Variants in PRELID2 observed in about 807,000 individuals in gnomAD.
PRELID2 encodes the protein PRELI domain-containing protein 2.
In PRELID2, 25 loss-of-function variants were observed where a neutral mutation model predicts 28.4. That is an observed-to-expected ratio of 0.88 (90% CI 0.64 to 1.23). The LOEUF is 1.23. Ranked by LOEUF, PRELID2 falls within the 50% of genes most tolerant of loss-of-function variation. The probability of loss-of-function intolerance (pLI) is 0.00; values close to 1 mark genes in which losing one functional copy is unlikely to be tolerated. For synonymous variants in PRELID2, 76 were observed against 71.6 expected, an observed-to-expected ratio of 1.06 and a Z score of -0.31; for missense variants, 201 against 214.4, an observed-to-expected ratio of 0.94 and a Z score of 0.39.
At chr5:145,827,050 G>A (rs770332892) in intron 1 of PRELID2, among the ~76,000 whole-genome samples, 1 of 152,168 alleles carries the variant, frequency 6.6e-6, no homozygotes, top group Non-Finnish European at 1.5e-5. Context: ...GTACAAGGAA[G>A]CAGGTGACTG....
At chr5:145,682,178 G>A (rs942327938) in intron 1 of PRELID2, among the ~76,000 whole-genome samples, 8 of 152,084 alleles carry the variant, frequency 5.3e-5, no homozygotes, top group African/African-American at 1.9e-4. Context: ...AGTGGGGAGA[G>A]GGAGGAGGAA....
chr5:145,378,578 G>T, the PRELID2 span, among the ~76,000 whole-genome samples: 5 of 152,036 alleles, frequency 3.3e-5, no homozygotes, highest in African/African-American at 2.4e-5. Context: ...GGTCTGTTCT[G>T]CCACTAATAC....
chr5:145,825,225 CAAAAAAAAAAAAAAAAAAA>C (rs56818178), intron 1 of PRELID2, among the ~76,000 whole-genome samples: 4,871 of 60,746 alleles, frequency 0.08, 388 homozygotes, highest in African/African-American at 0.23. Context: ...GACTCTGTCT[CAAAAAAAAAAAAAAAAAAA>C]AAAAAAAAAA....
chr5:145,656,062 A>G (rs1754387448), intron 1 of PRELID2, among the ~76,000 whole-genome samples: 2 of 152,174 alleles, frequency 1.3e-5, no homozygotes, highest in Admixed American at 6.5e-5. Context: ...TGAGAAAAAA[A>G]CAAACAACCC....
intron 1 of PRELID2, among the ~76,000 whole-genome samples, chr5:145,595,616 A>G (rs769229098): frequency 8.5e-5 from 13 of 152,148 alleles, no homozygotes; most frequent in South Asian, 2.1e-4. Flanking sequence ...TCTATTAGAA[A>G]AATAAAACTT....
At chr5:145,706,491 C>T (rs555343236) in intron 1 of PRELID2, among the ~76,000 whole-genome samples, 20 of 152,130 alleles carry the variant, frequency 1.3e-4, no homozygotes, top group African/African-American at 2.4e-4. Flanking sequence ...ACTCTAACCA[C>T]GGCCTGAATA....
chr5:145,709,195 T>C (rs532864742), intron 1 of PRELID2, among the ~76,000 whole-genome samples: 64 of 152,218 alleles, frequency 4.2e-4, no homozygotes, highest in Non-Finnish European at 7.6e-4. Flanking sequence ...ATCTCAGTAG[T>C]GCTCAGCTTC....
intron 1 of PRELID2, among the ~76,000 whole-genome samples, chr5:145,686,143 T>G (rs745629254): frequency 3.9e-5 from 6 of 152,080 alleles, no homozygotes; most frequent in Non-Finnish European, 8.8e-5. Context: ...TCACTTTACC[T>G]CCCTCCTAAG....
chr5:145,747,943 T>C (rs1757034348), intron 1 of PRELID2, among the ~76,000 whole-genome samples: 1 of 151,978 alleles, frequency 6.6e-6, no homozygotes, highest in Admixed American at 6.6e-5. Flanking sequence ...AAAAGGCCTT[T>C]GATAAAATTC....
At chr5:145,650,351 T>C (rs2149670212) in intron 1 of PRELID2, among the ~76,000 whole-genome samples, 1 of 151,944 alleles carries the variant, frequency 6.6e-6, no homozygotes, top group African/African-American at 2.4e-5. Flanking sequence ...CTCAGATCTT[T>C]ACCTGATCCT....
At chr5:145,339,995 C>T in the PRELID2 span, among the ~76,000 whole-genome samples, 1 of 152,008 alleles carries the variant, frequency 6.6e-6, no homozygotes, top group East Asian at 1.9e-4. Flanking sequence ...TCCATGACTA[C>T]CTGCCTACGC....
intron 1 of PRELID2, among the ~76,000 whole-genome samples, chr5:145,616,626 G>A (rs1821269): frequency 0.13 from 19,595 of 152,122 alleles, 1,790 homozygotes; most frequent in African/African-American, 0.23. Context: ...AGGGGAGGGA[G>A]TGTACAAATA....
At position 145,817,997 on chromosome 5, in the gene PRELID2, G is replaced by C; in HGVS notation, c.265C>G (p.Arg89Gly). The C allele has an allele frequency of 1.9e-6, 3 of 1,612,516 alleles. No homozygotes were observed. The highest frequency in any genetic ancestry group is 2.5e-6 in the Non-Finnish European group (3 of 1,179,254). The change falls in exon 4 of 7, where the codon CGG (arginine) becomes GGG (glycine). Residue 89 changes from arginine (R) to glycine (G), a missense_variant. Coordinates refer to ENST00000683046, the MANE Select transcript of PRELID2 (RefSeq NM_205846.3). ...CTCCGTATGGCCATGTTTCTTTCCC[G>C]AGGATTGAGCCATGACTCCTCTTCT... ...QLEEESWLNP[R>G]ERNMAIRSHC... is the part of the protein sequence containing the mutation.
intron 1 of PRELID2, among the ~76,000 whole-genome samples, chr5:145,596,892 G>A (rs983297145): frequency 1.3e-5 from 2 of 152,222 alleles, no homozygotes; most frequent in Non-Finnish European, 2.9e-5. Context: ...CTCACTAATG[G>A]CTTGTCCTGA....
chr5:145,414,654 C>T, the PRELID2 span, among the ~76,000 whole-genome samples: 8 of 152,240 alleles, frequency 5.3e-5, no homozygotes, highest in African/African-American at 1.9e-4. Context: ...AATAAATACA[C>T]AATGCATACA....
chr5:145,538,412 T>C (rs1172234109), intron 1 of PRELID2, among the ~76,000 whole-genome samples: 1 of 151,966 alleles, frequency 6.6e-6, no homozygotes, highest in Non-Finnish European at 1.5e-5. Flanking sequence ...AGGGATTGCA[T>C]TAAATACATA....
chr5:145,258,366 T>C, the PRELID2 span, among the ~76,000 whole-genome samples: 5 of 152,142 alleles, frequency 3.3e-5, no homozygotes, highest in Non-Finnish European at 7.4e-5. Flanking sequence ...TTGGAACATC[T>C]TAGAGACTGG....
chr5:145,387,866 C>G, the PRELID2 span, among the ~76,000 whole-genome samples: 3 of 149,144 alleles, frequency 2.0e-5, no homozygotes, highest in African/African-American at 7.4e-5. Flanking sequence ...TGGGAGGTTG[C>G]AGTAAGCCCA....
chr5:145,501,773 T>C (rs1752361568), intron 1 of PRELID2, among the ~76,000 whole-genome samples: 1 of 152,200 alleles, frequency 6.6e-6, no homozygotes, highest in South Asian at 2.1e-4. Flanking sequence ...GTCACCTCTG[T>C]GACATTTTCC....
Sources: allele counts gnomAD v4.1 joint callset (sites outside exome capture counted in the v4.1 genomes callset), GRCh38; gene constraint gnomAD v4.1.1; transcripts MANE v1.5; gene names NCBI Gene and HGNC (gene_info 2026-07-23, HGNC 2026-07-21).